GULP1: variants seen among roughly 807,000 people sequenced by gnomAD.
The protein encoded by GULP1 is PTB domain-containing engulfment adapter protein 1.
A neutral mutation model predicts 40.9 loss-of-function variants in GULP1; 19 were observed. That is an observed-to-expected ratio of 0.46 (90% confidence interval 0.32 to 0.68). GULP1 has a LOEUF of 0.68. GULP1 is among the 30% of genes least tolerant of loss of function. The pLI is 0.03. For synonymous variants in GULP1, 119 were observed against 117.6 expected, an observed-to-expected ratio of 1.01 and a Z score of -0.08; for missense variants, 312 against 362.2, an observed-to-expected ratio of 0.86 and a Z score of 1.12.
chr2:188,538,516 G>A (rs143325560), intron 6 of GULP1, among the ~76,000 whole-genome samples: 31 of 152,012 alleles, frequency 2.0e-4, no homozygotes, highest in African/African-American at 7.2e-4. Context: ...TTTACCCTAT[G>A]TTACATACGA....
rs2153480767 is a variant in GULP1, at chr2:188,595,818, A to T, written c.*1807A>T. The T allele has an allele frequency of 6.6e-6, 1 of 152,382 alleles. No individual in the cohort carries two copies. Among genetic ancestry groups the T allele is most frequent in the East Asian group, 1.9e-4 (1 of 5,184 alleles). 9.4% of individuals were successfully genotyped at this position (152,382 alleles called of 1,614,324 possible). ...AGTACATAACTGGTCATTAATTATG[A>T]ACATTTATTTCTCCAGTGCGTTTTT... On this transcript the variant is annotated 3_prime_UTR_variant, in exon 12 of 12. Transcript: ENST00000409830.
intron 11 of GULP1, 146 bp downstream of exon 11, chr2:188,588,095 T>A (rs1396349068): frequency 4.4e-6 from 3 of 684,042 alleles, no homozygotes; most frequent in Admixed American, 4.3e-5. Flanking sequence ...AATAATAATG[T>A]ACAGTTAGTC....
At chr2:188,314,598 A>G (rs1022979210) in intron 1 of GULP1, among the ~76,000 whole-genome samples, 2 of 150,974 alleles carry the variant, frequency 1.3e-5, no homozygotes, top group African/African-American at 4.9e-5. Context: ...ACTTTGTAAA[A>G]CCTCCTTTGG....
intron 4 of GULP1, among the ~76,000 whole-genome samples, chr2:188,489,167 G>GA (rs1335007698): frequency 6.6e-6 from 1 of 151,938 alleles, no homozygotes; most frequent in Non-Finnish European, 1.5e-5. Flanking sequence ...GGAAATGAAA[G>GA]AAAAATCTTC....
intron 1 of GULP1, among the ~76,000 whole-genome samples, chr2:188,321,863 A>G (rs1051030852): frequency 6.6e-6 from 1 of 151,952 alleles, no homozygotes; most frequent in African/African-American, 2.4e-5. Flanking sequence ...CTAAAAATAC[A>G]AATTAGCCGG....
At chr2:188,511,269 C>A (rs2064510676) in intron 4 of GULP1, among the ~76,000 whole-genome samples, 1 of 152,090 alleles carries the variant, frequency 6.6e-6, no homozygotes, top group Non-Finnish European at 1.5e-5. Context: ...ATGGATGTGG[C>A]ATAGATAAGT....
intron 2 of GULP1, among the ~76,000 whole-genome samples, chr2:188,428,927 A>G (rs55693630): frequency 0.2 from 31,067 of 151,898 alleles, 3,360 homozygotes; most frequent in African/African-American, 0.27. Flanking sequence ...CAAAGAATGA[A>G]TAAAGTTTTA....
chr2:188,528,638 TTTTA>T (rs1382670198), intron 5 of GULP1, among the ~76,000 whole-genome samples: 3 of 152,178 alleles, frequency 2.0e-5, no homozygotes, highest in Non-Finnish European at 4.4e-5. Context: ...ATCTGCTTCT[TTTTA>T]TTTATTGATG....
intron 4 of GULP1, among the ~76,000 whole-genome samples, chr2:188,507,499 A>G (rs1395693607): frequency 6.6e-6 from 1 of 151,118 alleles, no homozygotes; most frequent in African/African-American, 2.4e-5. Flanking sequence ...ATGAGATGGA[A>G]TAAGTATCAT....
At chr2:188,309,340 C>T (rs893278280) in intron 1 of GULP1, among the ~76,000 whole-genome samples, 1 of 152,066 alleles carries the variant, frequency 6.6e-6, no homozygotes, top group Admixed American at 6.6e-5. Flanking sequence ...GGGATGTGCA[C>T]CTGTGGTCCC....
chr2:188,359,151 T>C (rs2045759434), intron 1 of GULP1, among the ~76,000 whole-genome samples: 2 of 152,184 alleles, frequency 1.3e-5, no homozygotes, highest in African/African-American at 2.4e-5. Flanking sequence ...TTTAGATACG[T>C]GTTTCAAAGT....
chr2:188,343,555 CTATTT>C, intron 1 of GULP1, among the ~76,000 whole-genome samples: 1 of 152,252 alleles, frequency 6.6e-6, no homozygotes, highest in South Asian at 2.1e-4. Context: ...TCTACTTAAA[CTATTT>C]TATTTTAACT....
intron 7 of GULP1, among the ~76,000 whole-genome samples, chr2:188,551,716 A>G (rs1281142401): frequency 6.6e-6 from 1 of 151,746 alleles, no homozygotes; most frequent in Non-Finnish European, 1.5e-5. Flanking sequence ...ATCAAATGAT[A>G]AGTATATTTG....
At chr2:188,315,312 A>G (rs908420940) in intron 1 of GULP1, among the ~76,000 whole-genome samples, 2 of 152,130 alleles carry the variant, frequency 1.3e-5, no homozygotes, top group African/African-American at 4.8e-5. Context: ...TACTGTGCCT[A>G]ATTTATAAAT....
At chr2:188,391,303 C>T (rs1194499176) in intron 2 of GULP1, among the ~76,000 whole-genome samples, 1 of 151,960 alleles carries the variant, frequency 6.6e-6, no homozygotes, top group Non-Finnish European at 1.5e-5. Context: ...TTTTAGTTCT[C>T]TTTGTAGAGA....
At chr2:188,369,819 C>T (rs755405995) in intron 1 of GULP1, among the ~76,000 whole-genome samples, 3 of 152,094 alleles carry the variant, frequency 2.0e-5, no homozygotes, top group Non-Finnish European at 4.4e-5. Context: ...AGAGCCTATT[C>T]TTGGTTCAGG....
chr2:188,391,814 A>T (rs2050567377), intron 2 of GULP1, among the ~76,000 whole-genome samples: 1 of 152,042 alleles, frequency 6.6e-6, no homozygotes, highest in East Asian at 1.9e-4. Flanking sequence ...GGTTTTTACC[A>T]TAAAGGAAAA....
chr2:188,570,254 GCTAAGCAGTTTA>G (rs1455240804), intron 9 of GULP1, 134 bp downstream of exon 9: 3 of 544,232 alleles, frequency 5.5e-6, no homozygotes, highest in Non-Finnish European at 9.8e-6. Flanking sequence ...GATGAAGGCT[GCTAAGCAGTTTA>G]ATTTAAAACT....
chr2:188,584,619 C>T (rs1257297259), intron 10 of GULP1, among the ~76,000 whole-genome samples: 1 of 151,670 alleles, frequency 6.6e-6, no homozygotes, highest in Non-Finnish European at 1.5e-5. Flanking sequence ...CAACTTTTAC[C>T]TATTGTGTGA....
Sources: allele counts gnomAD v4.1 joint callset (sites outside exome capture counted in the v4.1 genomes callset), GRCh38; gene constraint gnomAD v4.1.1; transcripts MANE v1.5; gene names NCBI Gene and HGNC (gene_info 2026-07-23, HGNC 2026-07-21).